The following KIF1B variants were observed in gnomAD, a reference collection of about 807,000 sequenced individuals.
KIF1B encodes the protein kinesin family member 1B, also known as kinesin-like protein KIF1B.
KIF1B carries 76 observed loss-of-function variants against 241.9 expected under a neutral mutation model. That is an observed-to-expected ratio of 0.31 (90% CI 0.26 to 0.38). The LOEUF (loss-of-function observed/expected upper bound fraction) is 0.38. Ranked by LOEUF, KIF1B falls within the 10% of genes least tolerant of loss-of-function variation. KIF1B has a pLI of 1.00. For missense variants in KIF1B, 1,622 were observed against 2,271.4 expected (o/e 0.71, Z 5.81); for synonymous variants, 750 against 796.7 (o/e 0.94, Z 0.99).
At chr1:10,372,665 TGTCAC>T (rs1638775319) in intron 45 of KIF1B, among the ~76,000 whole-genome samples, 2 of 119,008 alleles carry the variant, frequency 1.7e-5, no homozygotes, top group South Asian at 3.2e-4. Context: ...GTGACAGAGC[TGTCAC>T]CCAAGCTGGC....
At chr1:10,357,086 C>A (rs1030480707) in intron 38 of KIF1B, among the ~76,000 whole-genome samples, 11 of 152,090 alleles carry the variant, frequency 7.2e-5, no homozygotes, top group Non-Finnish European at 1.5e-4. Context: ...CGCTATATTG[C>A]CCACGCTGGC....
chr1:10,370,590 T>TAAGAAGAAGAAG (rs201223277), intron 44 of KIF1B, among the ~76,000 whole-genome samples: 29 of 139,916 alleles, frequency 2.1e-4, no homozygotes, highest in African/African-American at 7.1e-4. Context: ...ATAATAATAA[T>TAAGAAGAAGAAG]AATAAGAAGA....
At chr1:10,336,158 T>A (rs907349001) in intron 28 of KIF1B, among the ~76,000 whole-genome samples, 13 of 151,810 alleles carry the variant, frequency 8.6e-5, no homozygotes, top group African/African-American at 2.9e-4. Context: ...AAACTGATTC[T>A]TTTTTTTTGA....
At position 10,337,207 on chromosome 1, in the gene KIF1B, T is replaced by C; in HGVS notation, c.3259+4T>C. 6.2e-7 allele frequency: 1 copy of C among 1,614,208 alleles called. No individual in the cohort carries two copies. The highest frequency in any genetic ancestry group is 1.1e-5 in the South Asian group (1 of 91,076). ...ATCAGTCGAATTAATGACTTGGGTA[T>C]GTAGACATAGTTTACTGTGCTTGGG... On this transcript the variant is annotated splice_donor_region_variant and intron_variant, in intron 30 of 48. Transcript: ENST00000676179. This position sits in a 1 kb window ranked among gnomAD's most constrained non-coding sequence, Gnocchi z 4.0.
In KIF1B at chr1:10,311,074, C is replaced by G. The variant is rs192070933; in HGVS notation, c.2116-8969C>G. On this transcript the variant is annotated intron_variant, in intron 22 of 48. Coordinates refer to ENST00000676179, the MANE Select transcript of KIF1B (RefSeq NM_001365951.3). ...CCTTGCTCCCTGCATTCCATGCCCT[C>G]TCAAGAACTTGTTGAACATTTACCC... Among the ~76,000 whole-genome samples the G allele has an allele frequency of 2.3e-4, 35 of 151,590 alleles. 2 individuals are homozygous for G. Among genetic ancestry groups the G allele is most frequent in the African/African-American group, 8.1e-4 (33 of 40,880 alleles).
At chr1:10,340,119 T>C (rs1412752808) in intron 32 of KIF1B, among the ~76,000 whole-genome samples, 1 of 152,226 alleles carries the variant, frequency 6.6e-6, no homozygotes. Flanking sequence ...TGAGTTGTTT[T>C]AGTGTTTCTG....
chr1:10,324,757 G>A lies in KIF1B; in HGVS notation c.2538-1G>A. The stretch of plus-strand genomic sequence containing the variant: ...CAATGTGCTTTGTGTTTACTAAATA[G>A]GCAGAGGCTGGATTTGATGCGAGAG... On this transcript the variant is annotated splice_acceptor_variant, in intron 25 of 48. Transcript: ENST00000676179. LOFTEE classifies it high-confidence loss of function. 6.2e-7 allele frequency: 1 copy of A among 1,613,802 alleles called. No homozygotes were observed. Among genetic ancestry groups the A allele is most frequent in the Non-Finnish European group, 8.5e-7 (1 of 1,179,988 alleles).
chr1:10,276,407 C>G lies in KIF1B; in HGVS notation c.1037+8C>G, dbSNP rs763035231. ...GACTTTGAGCACTCTGAGGTACTTT[C>G]TTTTGATCTCAGTAACAACATAGAC... On this transcript the variant is annotated splice_region_variant and intron_variant, in intron 12 of 48. Coordinates refer to ENST00000676179, the MANE Select transcript of KIF1B (RefSeq NM_001365951.3). 7 of 1,606,894 alleles carry G rather than the reference C, an allele frequency of 4.4e-6. No individual in the cohort carries two copies. The South Asian group carries it at 7.7e-5, about 18-fold the overall frequency.
intron 1 of KIF1B, among the ~76,000 whole-genome samples, chr1:10,231,587 A>G (rs1416105565): frequency 1.3e-5 from 2 of 151,440 alleles, no homozygotes; most frequent in African/African-American, 4.9e-5. Flanking sequence ...GGGTTTTACC[A>G]TGTTGGCCAG....
chr1:10,225,483 AT>A (rs1317881723), intron 1 of KIF1B, among the ~76,000 whole-genome samples: 1 of 152,194 alleles, frequency 6.6e-6, no homozygotes, highest in Non-Finnish European at 1.5e-5. Context: ...CAACAAAACA[AT>A]AAAAAAAGTA....
intron 2 of KIF1B, among the ~76,000 whole-genome samples, chr1:10,251,486 G>A (rs1212825375): frequency 6.6e-6 from 1 of 152,050 alleles, no homozygotes; most frequent in Non-Finnish European, 1.5e-5. Context: ...TGTAATCCCA[G>A]CACTTTGGGT....
At chr1:10,250,322 T>C (rs1277039624) in intron 2 of KIF1B, among the ~76,000 whole-genome samples, 3 of 151,570 alleles carry the variant, frequency 2.0e-5, no homozygotes, top group African/African-American at 7.3e-5. Context: ...AAAAAACACC[T>C]AAATACAGTA....
In KIF1B at chr1:10,365,302, A is replaced by G; in HGVS notation, c.4512+57A>G. The G allele has an allele frequency of 1.9e-6, 3 of 1,613,296 alleles. No homozygotes were observed. The South Asian group carries it at 3.3e-5, about 18-fold the overall frequency. On this transcript the variant is annotated intron_variant, in intron 42 of 48. Transcript: ENST00000676179. This position sits in a 1 kb window ranked among gnomAD's most constrained non-coding sequence, Gnocchi z 4.0. ...AACTCTCGGACAAGATTGCCAAAGTATCAGTCTTCCTCCCCGCTGCTGCAT... is the reference window on the plus strand; with the variant it reads ...AACTCTCGGACAAGATTGCCAAAGTGTCAGTCTTCCTCCCCGCTGCTGCAT...
At chr1:10,369,208 C>T (rs1459462159) in intron 44 of KIF1B, among the ~76,000 whole-genome samples, 1 of 152,206 alleles carries the variant, frequency 6.6e-6, no homozygotes, top group African/African-American at 2.4e-5. Flanking sequence ...TAATTACTAC[C>T]TGATGCTTTT....
At position 10,375,266 on chromosome 1, in the gene KIF1B, C is replaced by T; in HGVS notation, c.5301C>T (p.Thr1767=). 2 of 1,613,532 alleles carry T rather than the reference C, an allele frequency of 1.2e-6. No homozygotes were observed. Among genetic ancestry groups the T allele is most frequent in the South Asian group, 1.1e-5 (1 of 91,066 alleles). ...DQQAMVKTPN[T]FAVCTKHRGV... is the part of the protein sequence containing the mutation. ...CATTTTTCTTTCAGACACCAAACAC[C>T]TTTGCTGTCTGCACAAAGCACCGTG... The change falls in exon 48 of 49, where the codon ACC becomes ACT. Residue 1767 remains threonine (T), a synonymous_variant. Transcript: ENST00000676179.
At chr1:10,292,676 T>G (rs1038986085) in intron 17 of KIF1B, among the ~76,000 whole-genome samples, 35 of 152,246 alleles carry the variant, frequency 2.3e-4, no homozygotes, top group African/African-American at 8.2e-4. Context: ...AATAGTTACC[T>G]TCCTTTTTAC....
intron 17 of KIF1B, among the ~76,000 whole-genome samples, chr1:10,294,041 G>A (rs1202529580): frequency 1.3e-5 from 2 of 152,206 alleles, no homozygotes; most frequent in African/African-American, 4.8e-5. Flanking sequence ...TTGAGAAGAT[G>A]TGGAGGTTTT....
chr1:10,229,246 A>C (rs1376527349), intron 1 of KIF1B, among the ~76,000 whole-genome samples: 1 of 152,234 alleles, frequency 6.6e-6, no homozygotes, highest in Admixed American at 6.5e-5. Context: ...ATAAAATGGC[A>C]AACAGACTAG....
rs763240121 is a variant in KIF1B at position 10,304,377 on chromosome 1, C to T, written c.2115+7131C>T. On this transcript the variant is annotated intron_variant, in intron 22 of 48. Coordinates refer to ENST00000676179, the MANE Select transcript of KIF1B (RefSeq NM_001365951.3). ...ATGGCCAGCCGAAAAGTACGCGCTG[C>T]CAGGCATCTGCCTCCGCGGAGTCAT... 6.2e-6 allele frequency: 10 copies of T among 1,614,094 alleles called. No homozygotes were observed. In the South Asian group the frequency reaches 1.1e-4, roughly 18 times the overall value.
Sources: allele counts gnomAD v4.1 joint callset (sites outside exome capture counted in the v4.1 genomes callset), GRCh38; gene constraint gnomAD v4.1.1; non-coding constraint Gnocchi (gnomAD v3.1); transcripts MANE v1.5; gene names NCBI Gene and HGNC (gene_info 2026-07-23, HGNC 2026-07-21).